Variants in MEGF10 observed in about 807,000 individuals in gnomAD.
MEGF10 encodes the protein multiple epidermal growth factor-like domains protein 10.
In MEGF10, 86 loss-of-function variants were observed where a neutral mutation model predicts 147.5. The ratio of observed to expected loss-of-function variants is 0.58; its 90% confidence interval spans 0.49 to 0.70. The LOEUF (loss-of-function observed/expected upper bound fraction) is 0.70, where lower values mean the gene tolerates loss of function less well. Ranked by LOEUF, MEGF10 falls within the 30% of genes least tolerant of loss-of-function variation. The pLI, the probability that MEGF10 is intolerant of heterozygous loss-of-function variation, is 0.00. For synonymous variants in MEGF10, 478 were observed against 525.5 expected (o/e 0.91, Z 1.24); for missense variants, 1,329 against 1,487.3 (o/e 0.89, Z 1.75).
chr5:127,380,563 G>A (rs186264653), intron 5 of MEGF10, among the ~76,000 whole-genome samples: 1 of 151,420 alleles, frequency 6.6e-6, no homozygotes, highest in Admixed American at 6.6e-5. Context: ...TGTCACCCGG[G>A]CTGGAGTGCA....
At chr5:127,236,477 G>A in the MEGF10 span, among the ~76,000 whole-genome samples, 1 of 152,084 alleles carries the variant, frequency 6.6e-6, no homozygotes, top group South Asian at 2.1e-4. Flanking sequence ...GCCAAGCCCT[G>A]GTCTAGAGAA....
chr5:127,336,942 C>T (rs1405097414), intron 2 of MEGF10, among the ~76,000 whole-genome samples: 1 of 152,076 alleles, frequency 6.6e-6, no homozygotes, highest in Non-Finnish European at 1.5e-5. Flanking sequence ...AGAAATGGAA[C>T]AGAGATATAA....
intron 1 of MEGF10, among the ~76,000 whole-genome samples, chr5:127,300,754 A>G (rs985980388): frequency 1.3e-5 from 2 of 152,210 alleles, no homozygotes; most frequent in African/African-American, 4.8e-5. Flanking sequence ...TTAAATACCC[A>G]TCAATTCACC....
chr5:127,304,804 G>C (rs984029526), intron 1 of MEGF10, among the ~76,000 whole-genome samples: 1 of 151,980 alleles, frequency 6.6e-6, no homozygotes, highest in Non-Finnish European at 1.5e-5. Context: ...CTGGAGGTGT[G>C]TTCCTATGAG....
At chr5:127,442,861 ACT>A in intron 18 of MEGF10, 135 bp from the exon 19 acceptor site, 7 of 822,550 alleles carry the variant, frequency 8.5e-6, no homozygotes, top group Non-Finnish European at 1.3e-5. Context: ...GTTCTGGGAC[ACT>A]CTTGGGGGTA....
At position 127,417,674 on chromosome 5, in the gene MEGF10, G is replaced by C. The variant is rs780937235; in HGVS notation, c.1167G>C (p.Pro389=). ...HPMSGECACK[P]GWSGLYCNET... ...TGTCTGGAGAGTGTGCCTGCAAGCC[G>C]GGCTGGTCAGGACTCTACTGTAATG... is the stretch of plus-strand genomic sequence containing the variant. Residue 389 remains proline (P), a synonymous_variant, in exon 10 of 25, where the codon CCG becomes CCC. Transcript: ENST00000503335. 1.9e-6 allele frequency: 3 copies of C among 1,614,060 alleles called. No individual in the cohort carries two copies. The highest frequency in any genetic ancestry group is 1.6e-4 in the Middle Eastern group (1 of 6,062).
chr5:127,397,612 G>A (rs17604819), intron 6 of MEGF10, among the ~76,000 whole-genome samples: 15,725 of 152,254 alleles, frequency 0.1, 922 homozygotes, highest in Non-Finnish European at 0.13. Flanking sequence ...TGCCAACAGT[G>A]TTAAACGCCT....
chr5:127,319,449 ATGTCTT>A (rs1760709293), intron 1 of MEGF10, among the ~76,000 whole-genome samples: 1 of 152,104 alleles, frequency 6.6e-6, no homozygotes, highest in Non-Finnish European at 1.5e-5. Flanking sequence ...ACTCGTCTCT[ATGTCTT>A]TGTTTAGATT....
chr5:127,441,459 G>A (rs564846712), intron 18 of MEGF10, among the ~76,000 whole-genome samples: 93 of 152,268 alleles, frequency 6.1e-4, no homozygotes, highest in Admixed American at 5.2e-3. Context: ...AGAATATGCC[G>A]TTGGAATTAC....
intron 7 of MEGF10, among the ~76,000 whole-genome samples, chr5:127,399,142 T>C (rs79672203): frequency 0.1 from 15,703 of 152,222 alleles, 914 homozygotes; most frequent in Non-Finnish European, 0.13. Flanking sequence ...ACAATCATTT[T>C]CATAATTTTG....
chr5:127,408,974 G>A (rs1049190756), intron 8 of MEGF10, among the ~76,000 whole-genome samples: 3 of 152,032 alleles, frequency 2.0e-5, no homozygotes, highest in Admixed American at 2.0e-4. Flanking sequence ...CTACTCAGGC[G>A]GCAGAGGTGG....
chr5:127,440,634 G>A, intron 17 of MEGF10, 105 bp from the exon 18 acceptor site: 2 of 1,188,858 alleles, frequency 1.7e-6, no homozygotes, highest in Non-Finnish European at 2.4e-6. Context: ...TTCTCTGATG[G>A]CTCAGTGTCA....
At chr5:127,320,167 A>G (rs1049251797) in intron 1 of MEGF10, among the ~76,000 whole-genome samples, 48 of 152,182 alleles carry the variant, frequency 3.2e-4, no homozygotes, top group Non-Finnish European at 7.3e-5. Flanking sequence ...TGTTTCTGAA[A>G]AGGAAATAAA....
intron 5 of MEGF10, among the ~76,000 whole-genome samples, chr5:127,390,099 A>G (rs1763589134): frequency 6.6e-6 from 1 of 152,210 alleles, no homozygotes; most frequent in African/African-American, 2.4e-5. Context: ...ATAATCATGC[A>G]TAATCTCAAG....
chr5:127,322,137 TC>T (rs1328075521), intron 1 of MEGF10, among the ~76,000 whole-genome samples: 1 of 152,044 alleles, frequency 6.6e-6, no homozygotes, highest in African/African-American at 2.4e-5. Flanking sequence ...AGTCTTCTTT[TC>T]CTCCTGGGTT....
chr5:127,240,208 G>A, the MEGF10 span, among the ~76,000 whole-genome samples: 2 of 152,014 alleles, frequency 1.3e-5, no homozygotes, highest in Admixed American at 1.3e-4. Flanking sequence ...ATCAAGTCAG[G>A]GCTTATTCAT....
At chr5:127,347,356 A>T (rs1481434728) in intron 4 of MEGF10, among the ~76,000 whole-genome samples, 2 of 152,074 alleles carry the variant, frequency 1.3e-5, no homozygotes, top group African/African-American at 2.4e-5. Context: ...GTACCTAAAT[A>T]AATATTGATC....
chr5:127,440,561 A>T (rs1765716825), intron 17 of MEGF10, among the ~76,000 whole-genome samples, 178 bp from the exon 18 acceptor site: 1 of 152,226 alleles, frequency 6.6e-6, no homozygotes, highest in Non-Finnish European at 1.5e-5. Flanking sequence ...TCCTTGCAAG[A>T]GCCCTGTCTT....
chr5:127,358,234 G>A, intron 4 of MEGF10, among the ~76,000 whole-genome samples: 1 of 151,990 alleles, frequency 6.6e-6, no homozygotes, highest in African/African-American at 2.4e-5. Context: ...AGAGTGGAAA[G>A]AACATGAGGG....
Sources: allele counts gnomAD v4.1 joint callset (sites outside exome capture counted in the v4.1 genomes callset), GRCh38; gene constraint gnomAD v4.1.1; transcripts MANE v1.5; gene names NCBI Gene and HGNC (gene_info 2026-07-23, HGNC 2026-07-21).